Variants in PPFIBP1 observed in about 807,000 individuals in gnomAD.
PPFIBP1 encodes the protein liprin-beta-1.
In PPFIBP1, 112 loss-of-function variants were observed where a neutral mutation model predicts 137.8. The observed-to-expected ratio is 0.81, with a 90% CI of 0.70 to 0.95. PPFIBP1 has a LOEUF of 0.95. Ranked by LOEUF, PPFIBP1 falls within the 40% of genes least tolerant of loss-of-function variation. PPFIBP1 has a pLI of 0.00. For synonymous variants in PPFIBP1, 378 were observed against 417.3 expected, an observed-to-expected ratio of 0.91 and a Z score of 1.15; for missense variants, 1,083 against 1,196.6, an observed-to-expected ratio of 0.91 and a Z score of 1.40.
At chr12:27,593,213 A>G (rs1420768849) in intron 2 of PPFIBP1, among the ~76,000 whole-genome samples, 2 of 149,244 alleles carry the variant, frequency 1.3e-5, no homozygotes, top group African/African-American at 5.0e-5. Context: ...CTTGCTTGCT[A>G]CCCTCTTGTT....
chr12:27,608,397 T>A lies in PPFIBP1; in HGVS notation c.-35-24965T>A, dbSNP rs2054749109. On this transcript the variant is annotated intron_variant, in intron 2 of 29. Transcript: ENST00000228425. ...TAAATGCAGGACTGTGACTCCATAT[T>A]GCCATTTACTGTGCTTTCTGTTATA... is the stretch of plus-strand genomic sequence containing the variant. Among the ~76,000 whole-genome samples the A allele has an allele frequency of 2.6e-5, 4 of 152,338 alleles. No homozygotes were observed. The South Asian group carries it at 8.3e-4, about 32-fold the overall frequency.
chr12:27,651,399 T>G (rs2058866154), intron 7 of PPFIBP1, among the ~76,000 whole-genome samples: 1 of 152,142 alleles, frequency 6.6e-6, no homozygotes, highest in Admixed American at 6.6e-5. Flanking sequence ...TGAGTCACCA[T>G]GCCCAGCCAT....
intron 4 of PPFIBP1, among the ~76,000 whole-genome samples, chr12:27,641,714 A>G (rs1031786864): frequency 6.6e-6 from 1 of 152,160 alleles, no homozygotes; most frequent in African/African-American, 2.4e-5. Context: ...CGGGGCTTGT[A>G]ACTGAGCTCA....
At chr12:27,619,465 T>G (rs1195141468) in intron 2 of PPFIBP1, among the ~76,000 whole-genome samples, 1 of 152,196 alleles carries the variant, frequency 6.6e-6, no homozygotes, top group Non-Finnish European at 1.5e-5. Context: ...GCTGGCTGTA[T>G]TTCATCAAAT....
intron 1 of PPFIBP1, among the ~76,000 whole-genome samples, chr12:27,541,724 TA>T (rs1945687963): frequency 1.3e-5 from 2 of 152,172 alleles, no homozygotes; most frequent in Admixed American, 6.5e-5. Context: ...ACCCTTTCAC[TA>T]GGGCTTTTAT....
At chr12:27,532,459 ATTT>A (rs56200812) in intron 1 of PPFIBP1, among the ~76,000 whole-genome samples, 240 of 144,402 alleles carry the variant, frequency 1.7e-3, no homozygotes, top group African/African-American at 5.3e-3. Flanking sequence ...GGAACTTTGT[ATTT>A]TTTTTTTTTT....
In PPFIBP1 at chr12:27,595,885, A is replaced by ACAAC. The variant is rs745567082; in HGVS notation, c.-36+17646_-36+17647insCAAC. ...AACAACAACAACAACAACAACAACA[A>ACAAC]AATATATATATATATATATATATAT... On this transcript the variant is annotated intron_variant, in intron 2 of 29. Coordinates refer to ENST00000228425, the MANE Select transcript of PPFIBP1 (RefSeq NM_003622.4). 8.9e-3 allele frequency among the ~76,000 whole-genome samples: 1,038 copies of ACAAC among 116,230 alleles called. 7 individuals are homozygous for ACAAC. Among genetic ancestry groups the ACAAC allele is most frequent in the East Asian group, 0.039 (144 of 3,714 alleles). 76.3% of individuals were successfully genotyped at this position (116,230 alleles called of 152,430 possible). A position where few individuals can be genotyped will look rare whatever the true frequency, so the allele number is the denominator to read the frequency against.
At chr12:27,680,264 A>C (rs2060802511) in intron 21 of PPFIBP1, among the ~76,000 whole-genome samples, 1 of 152,212 alleles carries the variant, frequency 6.6e-6, no homozygotes, top group Admixed American at 6.5e-5. Context: ...GAACTAGGGG[A>C]GAGGCCAGAG....
intron 8 of PPFIBP1, chr12:27,655,096 T>A (rs1175159511): frequency 7.3e-7 from 1 of 1,366,240 alleles, no homozygotes; most frequent in Non-Finnish European, 1.0e-6. Flanking sequence ...ATTTAGCTTG[T>A]CTTTTTCTAT....
At chr12:27,614,613 G>A (rs572053830) in intron 2 of PPFIBP1, among the ~76,000 whole-genome samples, 2 of 152,272 alleles carry the variant, frequency 1.3e-5, no homozygotes, top group East Asian at 1.9e-4. Context: ...TGTCAGGGAT[G>A]GGTATAGGCA....
intron 6 of PPFIBP1, among the ~76,000 whole-genome samples, chr12:27,649,552 T>C (rs571314948): frequency 1.3e-5 from 2 of 152,312 alleles, no homozygotes; most frequent in Admixed American, 1.3e-4. Context: ...TTTTTTATTT[T>C]ATTTTATTTT....
Position 27,635,009 on chromosome 12 carries a change from T to A in PPFIBP1, c.164T>A (p.Leu55Gln). The stretch of plus-strand genomic sequence containing the variant: ...CGAGCTCTGCACCTTGTGGAAGACC[T>A]GCGTGGATTGTTAGAGATGATGGAA... ...SLRALHLVED[L>Q]RGLLEMMETD... The change falls in exon 4 of 30, where the codon CTG (leucine) becomes CAG (glutamine). Residue 55 changes from leucine to glutamine, a missense_variant. Coordinates refer to ENST00000228425, the MANE Select transcript of PPFIBP1 (RefSeq NM_003622.4). The A allele has an allele frequency of 6.2e-7, 1 of 1,614,154 alleles. No individual in the cohort carries two copies. The highest frequency in any genetic ancestry group is 8.5e-7 in the Non-Finnish European group (1 of 1,179,980).
At chr12:27,539,190 CT>C (rs138418056) in intron 1 of PPFIBP1, among the ~76,000 whole-genome samples, 1,723 of 152,298 alleles carry the variant, frequency 0.011, 28 homozygotes, top group African/African-American at 0.039. Context: ...CAAAATCATA[CT>C]TTGAAAGGCA....
chr12:27,694,415 G>A lies in PPFIBP1; in HGVS notation c.*1533G>A, dbSNP rs1195927591. On this transcript the variant is annotated 3_prime_UTR_variant, in exon 30 of 30. Transcript: ENST00000228425. ...GCAAAGCAGAAACCTTTACAGTATT[G>A]TTTCTTTTCTCTTTGTTAACTGTGT... is the stretch of plus-strand genomic sequence containing the variant. 2 of 152,138 alleles carry A rather than the reference G, an allele frequency of 1.3e-5. No homozygotes were observed. The highest frequency in any genetic ancestry group is 4.8e-5 in the African/African-American group (2 of 41,442). The allele number at this position is 152,138 out of a possible 1,614,324, so 9.4% of individuals were successfully genotyped here.
intron 4 of PPFIBP1, among the ~76,000 whole-genome samples, chr12:27,638,334 G>A (rs2057836761): frequency 6.6e-6 from 1 of 152,152 alleles, no homozygotes; most frequent in South Asian, 2.1e-4. Flanking sequence ...CCAAATAAAA[G>A]AGATTATGAT....
chr12:27,573,780 A>G (rs1240942902), intron 1 of PPFIBP1, among the ~76,000 whole-genome samples: 1 of 152,206 alleles, frequency 6.6e-6, no homozygotes, highest in Admixed American at 6.5e-5. Context: ...ACCAGGAGTT[A>G]GAAACCAGCC....
intron 1 of PPFIBP1, among the ~76,000 whole-genome samples, chr12:27,527,611 A>T (rs1943919854): frequency 6.6e-6 from 1 of 152,152 alleles, no homozygotes; most frequent in Non-Finnish European, 1.5e-5. Flanking sequence ...ACGATGAAGG[A>T]GTGAATTAAT....
At chr12:27,688,180 A>T in intron 25 of PPFIBP1, 118 bp from the exon 26 acceptor site, 1 of 1,178,166 alleles carries the variant, frequency 8.5e-7, no homozygotes, top group Non-Finnish European at 1.2e-6. Flanking sequence ...TTTAAAAGAG[A>T]ATTTTTCCCT....
chr12:27,579,585 A>G (rs1449779814), intron 2 of PPFIBP1, among the ~76,000 whole-genome samples: 1 of 152,196 alleles, frequency 6.6e-6, no homozygotes, highest in Non-Finnish European at 1.5e-5. Context: ...AATATTATGT[A>G]CAATATTTTT....
Sources: allele counts gnomAD v4.1 joint callset (sites outside exome capture counted in the v4.1 genomes callset), GRCh38; gene constraint gnomAD v4.1.1; transcripts MANE v1.5; gene names NCBI Gene and HGNC (gene_info 2026-07-23, HGNC 2026-07-21).